Variants in PHKA2 observed in about 807,000 individuals in gnomAD.
The protein encoded by PHKA2 is phosphorylase kinase regulatory subunit alpha 2.
A neutral mutation model predicts 102.0 loss-of-function variants in PHKA2; 31 were observed. That is an observed-to-expected ratio of 0.30 (90% CI 0.23 to 0.41). The LOEUF is 0.41. Among genes scored for constraint, PHKA2 ranks in the 10% least tolerant of loss-of-function variants. The pLI, the probability that PHKA2 is intolerant of heterozygous loss-of-function variation, is 1.00. For missense variants in PHKA2, 858 were observed against 1,023.1 expected, an observed-to-expected ratio of 0.84 and a Z score of 2.20; for synonymous variants, 455 against 416.2, an observed-to-expected ratio of 1.09 and a Z score of -1.13.
chrX:18,907,260 C>A (rs2047837708), intron 22 of PHKA2, among the ~76,000 whole-genome samples, 163 bp from the exon 23 acceptor site: 1 of 111,894 alleles, frequency 8.9e-6, no homozygotes, highest in Admixed American at 9.4e-5. Flanking sequence ...ATACCTAGAC[C>A]CCAGACTAAG....
rs2048062144 is a variant in PHKA2, at chrX:18,918,728, C to T, written c.2090G>A (p.Arg697Gln). 3 of 1,208,876 alleles carry T rather than the reference C, an allele frequency of 2.5e-6. No individual in the cohort carries two copies. Among genetic ancestry groups the T allele is most frequent in the East Asian group, 3.0e-5 (1 of 33,770 alleles). The change falls in exon 19 of 33, where the codon CGG becomes CAG. Residue 697 changes from arginine to glutamine, a missense_variant. Physicochemically the swap from Arg to Gln is conservative, Grantham distance 43 (BLOSUM62 1). Coordinates refer to ENST00000379942, the MANE Select transcript of PHKA2 (RefSeq NM_000292.3). Reference sequence around the variant, plus strand: ...TTTTGCCATCACAGAAAGTATGTCCCGCGTGGAGTGGATAGCACTGAAGAC... The same window carrying T: ...TTTTGCCATCACAGAAAGTATGTCCTGCGTGGAGTGGATAGCACTGAAGAC... ...RHVFSAIHST[R>Q]DILSVMAKAK... is the part of the protein sequence containing the mutation.
At chrX:18,895,680 C>T (rs2147809604) in intron 30 of PHKA2, 1 of 123,658 alleles carries the variant, frequency 8.1e-6, no homozygotes, top group East Asian at 2.2e-4. Flanking sequence ...TATCGAGTGC[C>T]AGCTCAACAC....
rs1275353300 is a variant in PHKA2 at position 18,893,266 on chromosome X, G to A, written c.*219C>T. The A allele has an allele frequency of 3.4e-5, 15 of 446,149 alleles. No individual in the cohort carries two copies. The highest frequency in any genetic ancestry group is 4.3e-5 in the Non-Finnish European group (11 of 253,468). The allele number at this position is 446,149 out of a possible 1,213,427, so 36.8% of individuals were successfully genotyped here. On this transcript the variant is annotated 3_prime_UTR_variant, in exon 33 of 33. Coordinates refer to ENST00000379942, the MANE Select transcript of PHKA2 (RefSeq NM_000292.3). ...AGAAATGAACCTAGAAAATGATCCC[G>A]GGGTGCTCCTTGCGGGGGAACACAG...
intron 6 of PHKA2, among the ~76,000 whole-genome samples, chrX:18,944,012 G>A (rs2048537418): frequency 9.2e-6 from 1 of 108,991 alleles, no homozygotes; most frequent in African/African-American, 3.4e-5. Context: ...ACAGGGTCTC[G>A]CCATTTTGCC....
In PHKA2 at chrX:18,926,565, A is replaced by T; in HGVS notation, c.1347T>A (p.Asn449Lys). 8.3e-7 allele frequency: 1 copy of T among 1,209,609 alleles called. No individual in the cohort carries two copies. The highest frequency in any genetic ancestry group is 3.0e-5 in the East Asian group (1 of 33,805). ...GTTTCCTCAATAAGTCCTTAATGTG[A>T]TTGTTTTCTGCCAAAACAGTAACTG... ...VVQVTVLAEN[N>K]HIKDLLRKHG... is the part of the protein sequence containing the mutation. The change falls in exon 14 of 33, where the codon AAT (asparagine) becomes AAA (lysine). Residue 449 changes from asparagine to lysine, a missense_variant. Around this residue, in one of 2 missense-constraint regions of PHKA2, gnomAD observed 671 missense variants for 745.2 expected, o/e 0.90. Transcript: ENST00000379942.
chrX:18,965,834 T>A (rs1482692726), intron 1 of PHKA2, among the ~76,000 whole-genome samples: 1 of 111,916 alleles, frequency 8.9e-6, no homozygotes, highest in Non-Finnish European at 1.9e-5. Flanking sequence ...GATATTCAAA[T>A]ATAAGCGACA....
At chrX:18,906,855 T>C in intron 23 of PHKA2, 41 bp from the exon 24 acceptor site, 1 of 1,108,288 alleles carries the variant, frequency 9.0e-7, no homozygotes, top group Non-Finnish European at 1.2e-6. Context: ...TGAGGTGTCT[T>C]GAGACAGTGC....
chrX:18,919,728 CAAA>C (rs56042937), intron 18 of PHKA2, among the ~76,000 whole-genome samples: 4 of 27,577 alleles, frequency 1.5e-4, no homozygotes, highest in East Asian at 1.2e-3. Flanking sequence ...CAAACAACAA[CAAA>C]AAAAAAAAAA....
rs1159523922 is a variant in PHKA2 at position 18,932,533 on chromosome X, G to A, written c.1138-785C>T. ...TGAGGAGACTCATCTTCTGCTTGCA[G>A]ATTAATCAATGATGTTATTAACATA... On this transcript the variant is annotated intron_variant, in intron 11 of 32. Coordinates refer to ENST00000379942, the MANE Select transcript of PHKA2 (RefSeq NM_000292.3). 3.7e-5 allele frequency among the ~76,000 whole-genome samples: 4 copies of A among 109,537 alleles called. No homozygotes were observed. The East Asian group carries it at 1.2e-3, about 32-fold the overall frequency.
intron 1 of PHKA2, among the ~76,000 whole-genome samples, chrX:18,977,250 C>CAA (rs202154751): frequency 9.2e-6 from 1 of 108,676 alleles, no homozygotes; most frequent in African/African-American, 3.3e-5. Flanking sequence ...GCATTTTGGC[C>CAA]AAAAAAAAAT....
chrX:18,975,719 A>G (rs2049079626), intron 1 of PHKA2, among the ~76,000 whole-genome samples: 1 of 110,984 alleles, frequency 9.0e-6, no homozygotes, highest in South Asian at 3.8e-4. Context: ...TACCTTCGAA[A>G]TTTACTCCAA....
chrX:18,901,521 C>A lies in PHKA2; in HGVS notation c.2991G>T (p.Arg997Ser). 8.3e-7 allele frequency: 1 copy of A among 1,200,767 alleles called. No homozygotes were observed. The highest frequency in any genetic ancestry group is 3.0e-5 in the East Asian group (1 of 33,709). Residue 997 changes from arginine to serine, a missense_variant, in exon 27 of 33, where the codon AGG (arginine) becomes AGT (serine). Transcript: ENST00000379942. Reference sequence around the variant, plus strand: ...CACTCCTCAGTCTGTTAATGCCACTCCTCTCAGTTTTGGTGACTCCGGTAT... The same window carrying A: ...CACTCCTCAGTCTGTTAATGCCACTACTCTCAGTTTTGGTGACTCCGGTAT... ...VGHTGVTKTE[R>S]SGINRLRSEM...
intron 19 of PHKA2, among the ~76,000 whole-genome samples, chrX:18,918,010 G>A (rs981563521): frequency 7.2e-5 from 8 of 110,789 alleles, no homozygotes; most frequent in East Asian, 2.8e-4. Flanking sequence ...GCAGATTCAG[G>A]AACCACGGAA....
At chrX:18,968,680 G>T (rs2048977929) in intron 1 of PHKA2, among the ~76,000 whole-genome samples, 2 of 107,937 alleles carry the variant, frequency 1.9e-5, no homozygotes, top group Admixed American at 1.9e-4. Context: ...TATGCAGTTA[G>T]CCCAAATGTT....
chrX:18,937,110 T>C (rs1385250661), intron 10 of PHKA2, among the ~76,000 whole-genome samples: 2 of 111,286 alleles, frequency 1.8e-5, no homozygotes, highest in East Asian at 5.7e-4. Flanking sequence ...CCAGCATTCC[T>C]GAGCAGGAGA....
At chrX:18,895,418 C>G in intron 30 of PHKA2, 2 of 440,105 alleles carry the variant, frequency 4.5e-6, no homozygotes, top group Non-Finnish European at 8.1e-6. Context: ...TCTTTCAGAT[C>G]TCCCCCGAAC....
At position 18,943,759 on chromosome X, in the gene PHKA2, C is replaced by T; in HGVS notation, c.668G>A (p.Gly223Glu). 1 of 1,210,557 alleles carries T rather than the reference C, an allele frequency of 8.3e-7. No homozygotes were observed. Among genetic ancestry groups the T allele is most frequent in the Non-Finnish European group, 1.1e-6 (1 of 894,476 alleles). ...DELDLFGAHGGRKSVIHVLPD... is the reference protein window; with the variant it reads ...DELDLFGAHGERKSVIHVLPD... ...CAGAACATGAATCACTGACTTGCGT[C>T]CTCCATGGGCTCCAAAAAGGTCCAG... The change falls in exon 7 of 33, where the codon GGA becomes GAA. Residue 223 changes from glycine (G) to glutamate (E), a missense_variant. Physicochemically the swap from Gly to Glu is moderately conservative, Grantham distance 98. Transcript: ENST00000379942.
intron 8 of PHKA2, among the ~76,000 whole-genome samples, chrX:18,940,360 C>T (rs1254816775): frequency 8.9e-6 from 1 of 111,774 alleles, no homozygotes; most frequent in Non-Finnish European, 1.9e-5. Flanking sequence ...AAAGGACCCT[C>T]ACTATTTAGA....
chrX:18,939,862 G>T lies in PHKA2; in HGVS notation c.918+133C>A. On this transcript the variant is annotated intron_variant, in intron 9 of 32. Transcript: ENST00000379942. The stretch of plus-strand genomic sequence containing the variant: ...TATGCTATTGCCTGGCTCCAGGCTT[G>T]CTGACTCCAAAATTAATACTTCCCT... The T allele has an allele frequency of 5.2e-6, 3 of 574,333 alleles. No homozygotes were observed. The East Asian group carries it at 1.0e-4, about 19-fold the overall frequency. 47.3% of individuals were successfully genotyped at this position (574,333 alleles called of 1,213,427 possible). A position where few individuals can be genotyped will look rare whatever the true frequency, so the allele number is the denominator to read the frequency against.
Sources: gnomAD v4.1 joint callset for allele counts (sites outside exome capture counted in the v4.1 genomes callset) on GRCh38, gnomAD v4.1.1 for gene constraint, gnomAD v4.1.1 regional missense constraint, MANE v1.5 for transcripts, NCBI Gene and HGNC (gene_info 2026-07-23, HGNC 2026-07-21) for gene names.